Variants in NRXN3 observed in about 807,000 individuals in gnomAD.
NRXN3 encodes the protein neurexin 3, also known as neurexin III.
Under a neutral mutation model 137.6 loss-of-function variants are expected in NRXN3, and 32 were observed. That is an observed-to-expected ratio of 0.23 (90% CI 0.18 to 0.31). The LOEUF is 0.31. NRXN3 is among the 10% of genes least tolerant of loss of function. The pLI is 1.00. For synonymous variants in NRXN3, 798 were observed against 784.5 expected (o/e 1.02, Z -0.29); for missense variants, 1,574 against 2,062.5 (o/e 0.76, Z 4.59).
At position 79,564,541 on chromosome 14, in the gene NRXN3, C is replaced by G. The variant is rs139953340; in HGVS notation, c.3444+97139C>G. Among the ~76,000 whole-genome samples, 698 of 152,240 alleles carry G rather than the reference C, an allele frequency of 4.6e-3. 6 individuals carry two copies. The highest frequency in any genetic ancestry group is 0.016 in the African/African-American group (668 of 41,544). On this transcript the variant is annotated intron_variant, in intron 16 of 20. Coordinates refer to ENST00000335750, the MANE Select transcript of NRXN3 (RefSeq NM_001330195.2). ...TAGACAAGCTTCATTGTCCCGCACA[C>G]TTTATCTGGACCTGTGGTTTCTGGA...
At position 79,643,489 on chromosome 14, in the gene NRXN3, G is replaced by T. The variant is rs888440169; in HGVS notation, c.3445-20289G>T. 3.0e-5 allele frequency among the ~76,000 whole-genome samples: 4 copies of T among 133,842 alleles called. No homozygotes were observed. In the East Asian group the frequency reaches 5.9e-4, roughly 20 times the overall value. The allele number at this position is 133,842 out of a possible 152,430, so 87.8% of individuals were successfully genotyped here. On this transcript the variant is annotated intron_variant, in intron 16 of 20. Coordinates refer to ENST00000335750, the MANE Select transcript of NRXN3 (RefSeq NM_001330195.2). ...TACTGAAATATATGTAAGATTTTGG[G>T]TTTTTTTTCTGGTCATTTTGCTCAA... is the stretch of plus-strand genomic sequence containing the variant.
At chr14:79,004,929 TC>T (rs2099549326) in intron 15 of NRXN3, among the ~76,000 whole-genome samples, 1 of 152,198 alleles carries the variant, frequency 6.6e-6, no homozygotes, top group Non-Finnish European at 1.5e-5. Flanking sequence ...TCTGAGTTCT[TC>T]CCTTGTAGCC....
chr14:79,784,126 A>G (rs963632749), intron 19 of NRXN3, among the ~76,000 whole-genome samples: 3 of 152,236 alleles, frequency 2.0e-5, no homozygotes, highest in African/African-American at 7.2e-5. Context: ...ACTATAAATT[A>G]GTTTATGCAT....
At chr14:78,440,367 T>G (rs886484035) in intron 4 of NRXN3, among the ~76,000 whole-genome samples, 1 of 151,936 alleles carries the variant, frequency 6.6e-6, no homozygotes, top group African/African-American at 2.4e-5. Flanking sequence ...ATGGCCAAGA[T>G]GCAGGCATCA....
intron 15 of NRXN3, among the ~76,000 whole-genome samples, chr14:79,269,345 G>A (rs2078961220): frequency 6.6e-6 from 1 of 152,136 alleles, no homozygotes; most frequent in Non-Finnish European, 1.5e-5. Context: ...CACCGCATCC[G>A]GCCCTATTTT....
intron 16 of NRXN3, among the ~76,000 whole-genome samples, chr14:79,590,706 G>C (rs1436034865): frequency 2.6e-5 from 4 of 152,158 alleles, no homozygotes; most frequent in Non-Finnish European, 5.9e-5. Flanking sequence ...CCTGGTACAG[G>C]AGTGCATTTC....
intron 16 of NRXN3, among the ~76,000 whole-genome samples, chr14:79,565,783 G>A (rs1040471214): frequency 3.9e-5 from 6 of 152,232 alleles, no homozygotes; most frequent in South Asian, 2.1e-4. Flanking sequence ...TAGGTTAATG[G>A]AAAAGAATAA....
At chr14:78,371,751 G>A (rs73310826) in intron 4 of NRXN3, among the ~76,000 whole-genome samples, 4,291 of 152,336 alleles carry the variant, frequency 0.028, 179 homozygotes, top group African/African-American at 0.093. Context: ...GCGAAGTGGC[G>A]AGACGGGCCA....
Position 78,174,148 on chromosome 14 carries a change from T to G in NRXN3, c.-704+3474T>G, listed in dbSNP as rs188583318. On this transcript the variant is annotated intron_variant, in intron 1 of 20. Coordinates refer to ENST00000335750, the MANE Select transcript of NRXN3 (RefSeq NM_001330195.2). The stretch of plus-strand genomic sequence containing the variant: ...ACATTAATAATTTTTTTTGACCAAA[T>G]AAGCACCCAGTGATAATGATCCAAT... Among the ~76,000 whole-genome samples the G allele has an allele frequency of 3.3e-5, 5 of 152,256 alleles. No individual in the cohort carries two copies. The East Asian group carries it at 9.7e-4, about 29-fold the overall frequency.
rs558949066 is a variant in NRXN3, at chr14:79,319,048, A to G, written c.3263-148173A>G. ...GTTACTCAAGAATGTATGCTAGAAAATGTTGCCCATAACTGCTTAAACATA... is the reference window on the plus strand; with the variant it reads ...GTTACTCAAGAATGTATGCTAGAAAGTGTTGCCCATAACTGCTTAAACATA... On this transcript the variant is annotated intron_variant, in intron 15 of 20. Transcript: ENST00000335750. Among the ~76,000 whole-genome samples, 5 of 152,278 alleles carry G rather than the reference A, an allele frequency of 3.3e-5. No homozygotes were observed. The South Asian group carries it at 1.0e-3, about 32-fold the overall frequency.
chr14:78,545,631 A>G (rs1186736100), intron 4 of NRXN3, among the ~76,000 whole-genome samples: 1 of 152,230 alleles, frequency 6.6e-6, no homozygotes, highest in African/African-American at 2.4e-5. Flanking sequence ...ACTATTGTGC[A>G]TCATAGAATA....
intron 2 of NRXN3, among the ~76,000 whole-genome samples, chr14:78,251,802 C>G (rs1462364881): frequency 2.0e-5 from 3 of 152,268 alleles, no homozygotes; most frequent in Non-Finnish European, 4.4e-5. Context: ...AGGGATCACT[C>G]TAGTCATCCT....
At chr14:79,733,675 T>TA (rs959745700) in intron 19 of NRXN3, among the ~76,000 whole-genome samples, 1 of 62,804 alleles carries the variant, frequency 1.6e-5, no homozygotes, top group African/African-American at 7.2e-5. Context: ...GCTGTTGTTG[T>TA]TTTTTTTTTT....
In NRXN3 at chr14:78,281,890, C is replaced by A. The variant is rs2074457813; in HGVS notation, c.727+3228C>A. On this transcript the variant is annotated intron_variant, in intron 3 of 20. Transcript: ENST00000335750. The stretch of plus-strand genomic sequence containing the variant: ...AGACCCTGCCTTTCACATGACAGAG[C>A]TGTGGGCCAGGCTGTGTCCTATTTG... Among the ~76,000 whole-genome samples, 6 of 152,284 alleles carry A rather than the reference C, an allele frequency of 3.9e-5. No individual in the cohort carries two copies. The South Asian group carries it at 1.2e-3, about 32-fold the overall frequency.
intron 16 of NRXN3, among the ~76,000 whole-genome samples, chr14:79,470,853 G>A (rs1269991584): frequency 2.0e-5 from 3 of 149,444 alleles, no homozygotes; most frequent in Non-Finnish European, 4.5e-5. Context: ...ATTAGCCAGC[G>A]GTGTATATGT....
chr14:79,438,301 G>T (rs975225223), intron 15 of NRXN3, among the ~76,000 whole-genome samples: 1 of 152,158 alleles, frequency 6.6e-6, no homozygotes, highest in East Asian at 1.9e-4. Context: ...CTCTATCTAG[G>T]TATCCTGGTT....
intron 19 of NRXN3, among the ~76,000 whole-genome samples, chr14:79,712,918 G>T (rs1336310124): frequency 1.3e-5 from 2 of 152,078 alleles, no homozygotes; most frequent in Non-Finnish European, 2.9e-5. Flanking sequence ...TTTTCAAGGT[G>T]CACATTGTCC....
chr14:79,343,218 T>C (rs1043536595), intron 15 of NRXN3, among the ~76,000 whole-genome samples: 3 of 152,178 alleles, frequency 2.0e-5, no homozygotes, highest in African/African-American at 7.2e-5. Context: ...TTGCTCATCT[T>C]GTGGCTAATG....
chr14:79,864,660 T>C lies in NRXN3; in HGVS notation c.*2696T>C, dbSNP rs1468201071. On this transcript the variant is annotated 3_prime_UTR_variant, in exon 21 of 21. Coordinates refer to ENST00000335750, the MANE Select transcript of NRXN3 (RefSeq NM_001330195.2). Reference sequence around the variant, plus strand: ...TAGAATAACCAGGAGGGAGTGCATTTTTCTGGAAAGATGATAGAAACATTG... The same window carrying C: ...TAGAATAACCAGGAGGGAGTGCATTCTTCTGGAAAGATGATAGAAACATTG... The C allele has an allele frequency of 5.3e-5, 8 of 152,230 alleles. No individual in the cohort carries two copies. Among genetic ancestry groups the C allele is most frequent in the Non-Finnish European group, 8.8e-5 (6 of 68,038 alleles). The allele number at this position is 152,230 out of a possible 1,614,324, so 9.4% of individuals were successfully genotyped here.
Sources: allele counts gnomAD v4.1 joint callset (sites outside exome capture counted in the v4.1 genomes callset), GRCh38; gene constraint gnomAD v4.1.1; transcripts MANE v1.5; gene names NCBI Gene and HGNC (gene_info 2026-07-23, HGNC 2026-07-21).